Variants in MTSS1 observed in about 807,000 individuals in gnomAD.
MTSS1 encodes protein MTSS 1.
In MTSS1, 18 loss-of-function variants were observed where a neutral mutation model predicts 79.0. The ratio of observed to expected loss-of-function variants is 0.23; its 90% confidence interval spans 0.16 to 0.34. The LOEUF is 0.34. Ranked by LOEUF, MTSS1 falls within the 10% of genes least tolerant of loss-of-function variation. The pLI is 1.00. For missense variants in MTSS1, 815 were observed against 986.2 expected (o/e 0.83, Z 2.33); for synonymous variants, 341 against 368.6 (o/e 0.93, Z 0.86).
In MTSS1 at chr8:124,557,862, A is replaced by G; in HGVS notation, c.1049T>C (p.Phe350Ser). ...PEAPNQLSNGFSHYSLSSESH... is the reference protein window; with the variant it reads ...PEAPNQLSNGSSHYSLSSESH... ...CTCACTTGATAAACTATAGTGAGAA[A>G]ACCCGTTAGACAACTGGAAACAAAC... The change falls in exon 11 of 14, where the codon TTT (phenylalanine) becomes TCT (serine). Residue 350 changes from phenylalanine to serine, a missense_variant. Around this residue, in one of 2 missense-constraint regions of MTSS1, gnomAD observed 590 missense variants for 620.8 expected, o/e 0.95. Coordinates refer to ENST00000518547, the MANE Select transcript of MTSS1 (RefSeq NM_014751.6). 6.3e-7 allele frequency: 1 copy of G among 1,586,276 alleles called. No homozygotes were observed. The highest frequency in any genetic ancestry group is 8.6e-7 in the Non-Finnish European group (1 of 1,165,526).
intron 13 of MTSS1, among the ~76,000 whole-genome samples, chr8:124,555,197 A>G (rs1039348967): frequency 6.6e-6 from 1 of 152,204 alleles, no homozygotes; most frequent in African/African-American, 2.4e-5. Context: ...AGACTGCTGT[A>G]TATGATGCTG....
intron 2 of MTSS1, among the ~76,000 whole-genome samples, chr8:124,700,418 C>A (rs1016079191): frequency 2.0e-5 from 3 of 152,120 alleles, no homozygotes; most frequent in African/African-American, 7.2e-5. Flanking sequence ...CATACTAGAG[C>A]TGGGACAAGT....
intron 6 of MTSS1, among the ~76,000 whole-genome samples, chr8:124,575,571 G>GGT (rs1554646268): frequency 6.6e-6 from 1 of 151,616 alleles, no homozygotes; most frequent in African/African-American, 2.4e-5. Context: ...GGTAGGGTGG[G>GGT]TTTTTTGTTG....
intron 3 of MTSS1, among the ~76,000 whole-genome samples, chr8:124,636,872 C>T (rs1322941081): frequency 1.3e-5 from 2 of 152,196 alleles, no homozygotes; most frequent in African/African-American, 2.4e-5. Flanking sequence ...GCATTTGCTG[C>T]GGGCAAGGAG....
At chr8:124,640,711 T>C (rs2133983285) in intron 3 of MTSS1, among the ~76,000 whole-genome samples, 1 of 152,040 alleles carries the variant, frequency 6.6e-6, no homozygotes, top group East Asian at 1.9e-4. Flanking sequence ...GCCCGGCTAA[T>C]TTTTGTATTT....
At chr8:124,579,421 G>A (rs1487056317) in intron 6 of MTSS1, among the ~76,000 whole-genome samples, 1 of 152,188 alleles carries the variant, frequency 6.6e-6, no homozygotes, top group East Asian at 1.9e-4. Flanking sequence ...TAATGAAAAT[G>A]TTGTGAAATT....
intron 3 of MTSS1, among the ~76,000 whole-genome samples, chr8:124,660,648 A>G (rs1338823671): frequency 6.6e-6 from 1 of 152,148 alleles, no homozygotes; most frequent in Non-Finnish European, 1.5e-5. Context: ...ACCAAATATG[A>G]GGCTCTGGCT....
At chr8:124,692,886 C>T (rs929730773) in intron 3 of MTSS1, among the ~76,000 whole-genome samples, 11 of 152,092 alleles carry the variant, frequency 7.2e-5, no homozygotes, top group Non-Finnish European at 7.3e-5. Flanking sequence ...AGATACTCAG[C>T]ATCTGGGAAA....
At position 124,683,142 on chromosome 8, in the gene MTSS1, T is replaced by C. The variant is rs1826395768; in HGVS notation, c.208+16384A>G. Among the ~76,000 whole-genome samples the C allele has an allele frequency of 6.6e-6, 1 of 151,834 alleles. No homozygotes were observed. The highest frequency in any genetic ancestry group is 2.1e-4 in the South Asian group (1 of 4,822). Reference sequence around the variant, plus strand: ...ACCTGATGTTTAATGTGACAGCACTTCCATTTAAAGTAAGCAAAAAAAAAA... The same window carrying C: ...ACCTGATGTTTAATGTGACAGCACTCCCATTTAAAGTAAGCAAAAAAAAAA... On this transcript the variant is annotated intron_variant, in intron 3 of 13. Transcript: ENST00000518547. This position sits in a 1 kb window ranked among gnomAD's most constrained non-coding sequence, Gnocchi z 4.5.
In MTSS1 at chr8:124,553,226, C is replaced by G; in HGVS notation, c.2034G>C (p.Pro678=). The G allele has an allele frequency of 6.2e-7, 1 of 1,614,082 alleles. No homozygotes were observed. The highest frequency in any genetic ancestry group is 8.5e-7 in the Non-Finnish European group (1 of 1,180,024). ...TGTGCTCCTCAGGGATACTGGGCTTCGGGCCTGGAAGTGGAGGGTTAACGG... is the reference window on the plus strand; with the variant it reads ...TGTGCTCCTCAGGGATACTGGGCTTGGGGCCTGGAAGTGGAGGGTTAACGG... ...QASVNPPLPG[P]KPSIPEEHRQ... The change falls in exon 14 of 14, where the codon CCG becomes CCC. Residue 678 remains proline, a synonymous_variant. Transcript: ENST00000518547. The surrounding 1 kb of genome is among the most constrained non-coding windows in gnomAD (Gnocchi z 6.0).
chr8:124,621,990 G>A (rs1245920650), intron 3 of MTSS1, among the ~76,000 whole-genome samples: 2 of 151,996 alleles, frequency 1.3e-5, no homozygotes, highest in African/African-American at 4.8e-5. Flanking sequence ...CCAGCACGAG[G>A]TGGCTTCACT....
chr8:124,556,127 T>C, intron 12 of MTSS1, 105 bp downstream of exon 12: 1 of 1,574,404 alleles, frequency 6.4e-7, no homozygotes, highest in Non-Finnish European at 8.6e-7. Context: ...GGAGCCCAGG[T>C]CCCTCCAGCT....
At chr8:124,555,555 T>C (rs1308677908) in intron 13 of MTSS1, among the ~76,000 whole-genome samples, 187 bp downstream of exon 13, 3 of 152,218 alleles carry the variant, frequency 2.0e-5, no homozygotes, top group Admixed American at 6.5e-5. Context: ...CCCAGATCCC[T>C]TTCTTATATG....
At chr8:124,704,580 G>C (rs1440000853) in intron 1 of MTSS1, among the ~76,000 whole-genome samples, 2 of 152,212 alleles carry the variant, frequency 1.3e-5, no homozygotes, top group Non-Finnish European at 2.9e-5. Context: ...CAGGGAACCA[G>C]AGTGACTGGG....
chr8:124,706,082 A>G (rs1830344707), intron 1 of MTSS1, among the ~76,000 whole-genome samples: 1 of 152,296 alleles, frequency 6.6e-6, no homozygotes, highest in Non-Finnish European at 1.5e-5. Flanking sequence ...ACAATTAAGT[A>G]TATTTTTTCA....
intron 3 of MTSS1, among the ~76,000 whole-genome samples, chr8:124,681,095 A>G (rs2134970605): frequency 6.6e-6 from 1 of 152,292 alleles, no homozygotes; most frequent in Non-Finnish European, 1.5e-5. Context: ...GTCAGATGCA[A>G]AAAGGAAAAT....
chr8:124,722,169 CT>C (rs1833043371), intron 1 of MTSS1, among the ~76,000 whole-genome samples: 1 of 151,902 alleles, frequency 6.6e-6, no homozygotes, highest in Admixed American at 6.6e-5. Context: ...AGAAAAACAA[CT>C]TAGAACCTAT....
At chr8:124,601,716 C>A (rs1226438021) in intron 3 of MTSS1, among the ~76,000 whole-genome samples, 1 of 152,182 alleles carries the variant, frequency 6.6e-6, no homozygotes. Context: ...CTGGACCGAG[C>A]AGGGCAAGGC....
chr8:124,646,004 T>C lies in MTSS1; in HGVS notation c.208+53522A>G, dbSNP rs375838660. On this transcript the variant is annotated intron_variant, in intron 3 of 13. Coordinates refer to ENST00000518547, the MANE Select transcript of MTSS1 (RefSeq NM_014751.6). Reference sequence around the variant, plus strand: ...CCCTCCTTTCCACTGTGAATGTCTATTTAGAAAAAAGTATGTAAAATAAAA... The same window carrying C: ...CCCTCCTTTCCACTGTGAATGTCTACTTAGAAAAAAGTATGTAAAATAAAA... Among the ~76,000 whole-genome samples, 4 of 152,342 alleles carry C rather than the reference T, an allele frequency of 2.6e-5. No homozygotes were observed. The East Asian group carries it at 7.7e-4, about 29-fold the overall frequency.
Sources: gnomAD v4.1 joint callset for allele counts (sites outside exome capture counted in the v4.1 genomes callset) on GRCh38, gnomAD v4.1.1 for gene constraint, gnomAD v4.1.1 regional missense constraint, Gnocchi (gnomAD v3.1) non-coding constraint, MANE v1.5 for transcripts, NCBI Gene and HGNC (gene_info 2026-07-23, HGNC 2026-07-21) for gene names.